The following PCDH9 variants were observed in gnomAD, a reference collection of about 807,000 sequenced individuals.
PCDH9 encodes protocadherin-9.
PCDH9 carries 24 observed loss-of-function variants against 70.6 expected under a neutral mutation model. The ratio of observed to expected loss-of-function variants is 0.34; its 90% confidence interval spans 0.25 to 0.48. The LOEUF (loss-of-function observed/expected upper bound fraction) is 0.48. PCDH9 is among the 20% of genes least tolerant of loss of function. The pLI is 0.99. For synonymous variants in PCDH9, 562 were observed against 558.5 expected, an observed-to-expected ratio of 1.01 and a Z score of -0.09; for missense variants, 1,281 against 1,503.6, an observed-to-expected ratio of 0.85 and a Z score of 2.45.
At chr13:66,330,639 GAA>G (rs35381404) in intron 4 of PCDH9, among the ~76,000 whole-genome samples, 4 of 147,302 alleles carry the variant, frequency 2.7e-5, no homozygotes, top group African/African-American at 7.5e-5. Flanking sequence ...CAAACTTCCA[GAA>G]AAAAAAAAAT....
chr13:67,188,891 G>T (rs1315413077), intron 2 of PCDH9, among the ~76,000 whole-genome samples: 1 of 151,910 alleles, frequency 6.6e-6, no homozygotes, highest in Non-Finnish European at 1.5e-5. Flanking sequence ...CATCACCCAA[G>T]AAGTATACAC....
Position 67,127,676 on chromosome 13 carries a change from A to ATGTGTGTGTG in PCDH9, c.3036+97719_3036+97728dup, listed in dbSNP as rs142545550. ...AGACTTTTTTATCATATATATATAT[A>ATGTGTGTGTG]TGTGTGTGTGTGTGTGTGTGTGTGT... On this transcript the variant is annotated intron_variant, in intron 2 of 4. Transcript: ENST00000377865. Among the ~76,000 whole-genome samples the ATGTGTGTGTG allele has an allele frequency of 5.6e-3, 818 of 145,570 alleles. 7 individuals are homozygous for ATGTGTGTGTG. The highest frequency in any genetic ancestry group is 9.4e-3 in the Non-Finnish European group (627 of 66,662).
chr13:67,027,962 C>T (rs985725525), intron 2 of PCDH9, among the ~76,000 whole-genome samples: 5 of 150,390 alleles, frequency 3.3e-5, no homozygotes, highest in Non-Finnish European at 6.0e-5. Flanking sequence ...CACTTTTACA[C>T]TGTTGGTGGG....
chr13:66,733,718 A>T (rs1018847339), intron 3 of PCDH9, among the ~76,000 whole-genome samples: 3 of 151,968 alleles, frequency 2.0e-5, no homozygotes, highest in Admixed American at 1.3e-4. Flanking sequence ...AAGGCCACAA[A>T]GCTGTCTATC....
At chr13:66,740,083 G>C (rs1290235347) in intron 3 of PCDH9, among the ~76,000 whole-genome samples, 237 of 118,396 alleles carry the variant, frequency 2.0e-3, no homozygotes, top group South Asian at 5.0e-3. Flanking sequence ...TGACCACATA[G>C]TTGGAAGTAA....
chr13:67,118,477 G>C (rs1412185047), intron 2 of PCDH9, among the ~76,000 whole-genome samples: 4 of 152,202 alleles, frequency 2.6e-5, no homozygotes, highest in Middle Eastern at 3.4e-3. Context: ...AGTTTTATTT[G>C]GTAATAAATT....
intron 4 of PCDH9, among the ~76,000 whole-genome samples, chr13:66,514,868 G>A (rs773117223): frequency 1.6e-4 from 25 of 151,980 alleles, no homozygotes; most frequent in Non-Finnish European, 3.2e-4. Context: ...GTGTATTTCC[G>A]AATTGAATTG....
intron 4 of PCDH9, among the ~76,000 whole-genome samples, chr13:66,378,273 G>T (rs972584500): frequency 2.0e-5 from 3 of 152,166 alleles, no homozygotes; most frequent in Non-Finnish European, 2.9e-5. Context: ...ATACCAGCTT[G>T]CCCAAGCCCT....
chr13:66,674,807 A>G (rs2078221346), intron 3 of PCDH9, among the ~76,000 whole-genome samples: 1 of 152,116 alleles, frequency 6.6e-6, no homozygotes, highest in African/African-American at 2.4e-5. Flanking sequence ...ACATCACAGA[A>G]CAAAACTCCA....
intron 4 of PCDH9, among the ~76,000 whole-genome samples, chr13:66,520,876 G>A (rs1337542310): frequency 6.6e-6 from 1 of 152,184 alleles, no homozygotes; most frequent in Admixed American, 6.6e-5. Flanking sequence ...AATGCTTCAT[G>A]ATTAATGACA....
intron 4 of PCDH9, among the ~76,000 whole-genome samples, chr13:66,445,688 T>A (rs946455966): frequency 7.3e-6 from 1 of 137,886 alleles, no homozygotes; most frequent in Non-Finnish European, 1.5e-5. Flanking sequence ...ATATATAATA[T>A]ATACACATAT....
intron 4 of PCDH9, among the ~76,000 whole-genome samples, chr13:66,497,928 C>T (rs1391406231): frequency 1.4e-5 from 2 of 145,464 alleles, no homozygotes; most frequent in Non-Finnish European, 1.5e-5. Context: ...AAGTGACTTT[C>T]GTGCCTCAGC....
chr13:66,970,867 C>A (rs2083510014), intron 2 of PCDH9, among the ~76,000 whole-genome samples: 1 of 151,906 alleles, frequency 6.6e-6, no homozygotes, highest in Non-Finnish European at 1.5e-5. Flanking sequence ...ATCTTTTTAA[C>A]AAAGGGCTAA....
intron 4 of PCDH9, among the ~76,000 whole-genome samples, chr13:66,494,440 T>C (rs1959082301): frequency 6.6e-6 from 1 of 152,174 alleles, no homozygotes; most frequent in Non-Finnish European, 1.5e-5. Context: ...GCTTTTGATT[T>C]TGTAAATAAA....
intron 4 of PCDH9, among the ~76,000 whole-genome samples, chr13:66,330,463 T>C (rs1344040417): frequency 6.6e-6 from 1 of 152,186 alleles, no homozygotes; most frequent in Non-Finnish European, 1.5e-5. Flanking sequence ...TTCAGACTCT[T>C]ATTCTTTCTG....
intron 4 of PCDH9, among the ~76,000 whole-genome samples, chr13:66,524,016 T>A (rs1183194355): frequency 2.6e-5 from 4 of 152,034 alleles, no homozygotes; most frequent in Non-Finnish European, 5.9e-5. Flanking sequence ...CTAAATGATA[T>A]GTAGAGTGCT....
intron 3 of PCDH9, among the ~76,000 whole-genome samples, chr13:66,651,737 G>A (rs1307936025): frequency 6.6e-6 from 1 of 151,910 alleles, no homozygotes; most frequent in African/African-American, 2.4e-5. Context: ...CAATATCCCT[G>A]ATGAACATTG....
At chr13:67,185,796 A>C (rs113950395) in intron 2 of PCDH9, among the ~76,000 whole-genome samples, 1,628 of 152,300 alleles carry the variant, frequency 0.011, 13 homozygotes, top group Non-Finnish European at 0.016. Context: ...GCAATGGCAC[A>C]ATCTCAGCTC....
At chr13:66,699,010 A>T (rs377716862) in intron 3 of PCDH9, among the ~76,000 whole-genome samples, 2 of 145,294 alleles carry the variant, frequency 1.4e-5, no homozygotes, top group Admixed American at 1.5e-4. Context: ...CACCTCTCAG[A>T]TTCAAGCGAT....
Sources: gnomAD v4.1 joint callset for allele counts (sites outside exome capture counted in the v4.1 genomes callset) on GRCh38, gnomAD v4.1.1 for gene constraint, MANE v1.5 for transcripts, NCBI Gene and HGNC (gene_info 2026-07-23, HGNC 2026-07-21) for gene names.